Variants in LRRC28 observed in about 807,000 individuals in gnomAD.
LRRC28 encodes the protein leucine rich repeat containing 28, also known as leucine-rich repeat-containing protein 28.
LRRC28 carries 39 observed loss-of-function variants against 45.7 expected under a neutral mutation model. The observed-to-expected ratio is 0.85, with a 90% confidence interval of 0.66 to 1.12. The LOEUF (loss-of-function observed/expected upper bound fraction) is 1.12. Ranked by LOEUF, LRRC28 falls within the 50% of genes most tolerant of loss-of-function variation. The pLI is 0.00. For missense variants in LRRC28, 435 were observed against 438.5 expected (o/e 0.99, Z 0.07); for synonymous variants, 206 against 178.8 (o/e 1.15, Z -1.22).
intron 9 of LRRC28, among the ~76,000 whole-genome samples, chr15:99,369,144 C>T (rs577388718): frequency 4.9e-4 from 75 of 152,284 alleles, no homozygotes; most frequent in African/African-American, 1.6e-3. Flanking sequence ...TTTCTAGCAA[C>T]ATTCTGTTCC....
At chr15:99,308,057 G>A (rs1659072386) in intron 5 of LRRC28, among the ~76,000 whole-genome samples, 1 of 152,206 alleles carries the variant, frequency 6.6e-6, no homozygotes, top group Admixed American at 6.5e-5. Context: ...AAATGATGAT[G>A]GCTTGCACTA....
chr15:99,384,984 A>G (rs1427345108), intron 9 of LRRC28, among the ~76,000 whole-genome samples: 1 of 152,204 alleles, frequency 6.6e-6, no homozygotes, highest in Non-Finnish European at 1.5e-5. Flanking sequence ...ACCCAGAAGG[A>G]TACTGAGGCA....
chr15:99,333,783 A>G (rs1363145941), intron 5 of LRRC28, 140 bp from the exon 6 acceptor site: 1 of 854,574 alleles, frequency 1.2e-6, no homozygotes, highest in African/African-American at 1.7e-5. Flanking sequence ...TTCACCAAAA[A>G]TCCTGCACTT....
At chr15:99,271,525 C>A (rs1311173245) in intron 2 of LRRC28, among the ~76,000 whole-genome samples, 1 of 152,136 alleles carries the variant, frequency 6.6e-6, no homozygotes, top group Non-Finnish European at 1.5e-5. Flanking sequence ...GATCCACTTG[C>A]CTCAGCCTCT....
At chr15:99,300,405 T>A (rs978457122) in intron 5 of LRRC28, among the ~76,000 whole-genome samples, 4 of 152,078 alleles carry the variant, frequency 2.6e-5, no homozygotes, top group Admixed American at 2.6e-4. Context: ...TATATAAAAT[T>A]AAAATTTTAA....
chr15:99,334,026 T>C lies in LRRC28; in HGVS notation c.489T>C (p.Thr163=), dbSNP rs1956239822. 5 of 1,614,044 alleles carry C rather than the reference T, an allele frequency of 3.1e-6. No homozygotes were observed. The highest frequency in any genetic ancestry group is 1.3e-5 in the African/African-American group (1 of 74,932). ...TGTGCCTTTCTCTGCAGTACCTCACTGTGGACCGAAATCGTCTATGGTATG... is the reference window on the plus strand; with the variant it reads ...TGTGCCTTTCTCTGCAGTACCTCACCGTGGACCGAAATCGTCTATGGTATG... ...LHMCLSLQYL[T]VDRNRLWYVP... is the part of the protein sequence containing the mutation. The change falls in exon 6 of 10, where the codon ACT becomes ACC. Residue 163 remains threonine (T), a synonymous_variant. Coordinates refer to ENST00000301981, the MANE Select transcript of LRRC28 (RefSeq NM_144598.5).
intron 6 of LRRC28, among the ~76,000 whole-genome samples, chr15:99,351,253 G>A (rs1464291221): frequency 6.6e-6 from 1 of 152,164 alleles, no homozygotes; most frequent in African/African-American, 2.4e-5. Flanking sequence ...CTGGGCACAT[G>A]GGAAGGGATG....
At chr15:99,260,048 G>A (rs1187458520) in intron 2 of LRRC28, 1 of 555,646 alleles carries the variant, frequency 1.8e-6, no homozygotes, top group Non-Finnish European at 3.4e-6. Flanking sequence ...TGGATCCTGT[G>A]TGGAGAGGGA....
At position 99,284,894 on chromosome 15, in the gene LRRC28, A is replaced by C. The variant is rs568101345; in HGVS notation, c.210-2363A>C. The C allele has an allele frequency of 1.7e-4, 98 of 585,162 alleles. No individual in the cohort carries two copies. The African/African-American group carries it at 1.7e-3, about 10-fold the overall frequency. 36.2% of individuals were successfully genotyped at this position (585,162 alleles called of 1,614,324 possible). On this transcript the variant is annotated intron_variant, in intron 3 of 9. Transcript: ENST00000301981. Reference sequence around the variant, plus strand: ...CATATCTACCATCACCATGGCTGCCACCAAACCCATCATGACTGCTGAAGT... The same window carrying C: ...CATATCTACCATCACCATGGCTGCCCCCAAACCCATCATGACTGCTGAAGT...
chr15:99,379,185 T>C (rs1422243668), intron 9 of LRRC28, among the ~76,000 whole-genome samples: 1 of 152,212 alleles, frequency 6.6e-6, no homozygotes, highest in Non-Finnish European at 1.5e-5. Context: ...TTTTGGTTGG[T>C]AGGCTATTAA....
chr15:99,316,539 G>C (rs1352967095), intron 5 of LRRC28, among the ~76,000 whole-genome samples: 1 of 152,124 alleles, frequency 6.6e-6, no homozygotes. Flanking sequence ...TATGGATACA[G>C]TTCATTCCAT....
chr15:99,381,671 C>T (rs1302622786), intron 9 of LRRC28, among the ~76,000 whole-genome samples: 9 of 152,096 alleles, frequency 5.9e-5, no homozygotes, highest in Admixed American at 5.9e-4. Context: ...TTTTATCTAC[C>T]TTTGGTCTTT....
At chr15:99,325,865 T>C (rs1215290996) in intron 5 of LRRC28, among the ~76,000 whole-genome samples, 1 of 152,156 alleles carries the variant, frequency 6.6e-6, no homozygotes. Context: ...GGGCAGAGTT[T>C]GGGGCAGGGA....
intron 5 of LRRC28, among the ~76,000 whole-genome samples, chr15:99,319,083 T>A (rs186233206): frequency 7.2e-5 from 11 of 152,274 alleles, no homozygotes; most frequent in Non-Finnish European, 1.0e-4. Flanking sequence ...AGAGATTACT[T>A]TTACTTATTC....
intron 6 of LRRC28, among the ~76,000 whole-genome samples, chr15:99,350,167 G>C (rs1342516410): frequency 6.7e-6 from 1 of 150,276 alleles, no homozygotes; most frequent in Non-Finnish European, 1.5e-5. Flanking sequence ...AAAGAAAAAT[G>C]CAAGTTAAAA....
chr15:99,254,700 A>G (rs1305188746), intron 1 of LRRC28, among the ~76,000 whole-genome samples: 7 of 152,210 alleles, frequency 4.6e-5, no homozygotes, highest in African/African-American at 1.7e-4. Context: ...CTAACCTTGG[A>G]CAAATTACTG....
chr15:99,268,157 A>G (rs1304707358), intron 2 of LRRC28, among the ~76,000 whole-genome samples: 1 of 152,170 alleles, frequency 6.6e-6, no homozygotes, highest in East Asian at 1.9e-4. Context: ...TTAAAATTTA[A>G]CCACGTTTAT....
At chr15:99,273,297 C>T (rs779365235) in intron 2 of LRRC28, among the ~76,000 whole-genome samples, 5 of 151,872 alleles carry the variant, frequency 3.3e-5, no homozygotes, top group East Asian at 1.9e-4. Context: ...AGTGCAGTGG[C>T]GCGATCTTGG....
At chr15:99,329,711 A>G (rs954412323) in intron 5 of LRRC28, among the ~76,000 whole-genome samples, 1 of 152,204 alleles carries the variant, frequency 6.6e-6, no homozygotes, top group Non-Finnish European at 1.5e-5. Flanking sequence ...CTCTTTGGAT[A>G]TGGATAACTG....
Sources: gnomAD v4.1 joint callset for allele counts (sites outside exome capture counted in the v4.1 genomes callset) on GRCh38, gnomAD v4.1.1 for gene constraint, MANE v1.5 for transcripts, NCBI Gene and HGNC (gene_info 2026-07-23, HGNC 2026-07-21) for gene names.